Variants in OPHN1 observed in about 807,000 individuals in gnomAD.
OPHN1 encodes the protein oligophrenin-1.
OPHN1 carries 11 observed loss-of-function variants against 60.7 expected under a neutral mutation model. The ratio of observed to expected loss-of-function variants is 0.18; its 90% CI spans 0.11 to 0.30. OPHN1 has a LOEUF of 0.30. Ranked by LOEUF, OPHN1 falls within the 10% of genes least tolerant of loss-of-function variation. The probability of loss-of-function intolerance (pLI) is 1.00; values close to 1 mark genes in which losing one functional copy is unlikely to be tolerated. For missense variants in OPHN1, 449 were observed against 611.0 expected (o/e 0.73, Z 2.80); for synonymous variants, 226 against 222.6 (o/e 1.02, Z -0.14).
Position 68,197,120 on chromosome X carries a change from T to C in OPHN1, c.1104+66A>G, listed in dbSNP as rs2077515980. 42 of 779,441 alleles carry C rather than the reference T, an allele frequency of 5.4e-5. 1 individual carries two copies. In the South Asian group the frequency reaches 7.9e-4, roughly 15 times the overall value. The allele number at this position is 779,441 out of a possible 1,213,427, so 64.2% of individuals were successfully genotyped here. Reference sequence around the variant, plus strand: ...CATTTAATTGTCTGAGACCCACTGATACCACTAGAGGGCACTCATACACTG... The same window carrying C: ...CATTTAATTGTCTGAGACCCACTGACACCACTAGAGGGCACTCATACACTG... On this transcript the variant is annotated intron_variant, in intron 12 of 24. Transcript: ENST00000355520.
At chrX:68,242,349 C>T (rs771667004) in intron 5 of OPHN1, among the ~76,000 whole-genome samples, 50 of 110,564 alleles carry the variant, frequency 4.5e-4, no homozygotes, top group Non-Finnish European at 8.7e-4. Flanking sequence ...TGCCACTGCA[C>T]TCCAGCCTGG....
chrX:68,215,562 A>G (rs1376380559), intron 6 of OPHN1, among the ~76,000 whole-genome samples: 2 of 111,775 alleles, frequency 1.8e-5, no homozygotes, highest in Non-Finnish European at 3.8e-5. Context: ...CCATGTAGGT[A>G]TATGATATTC....
At chrX:68,217,922 G>GGAT (rs1417910832) in intron 6 of OPHN1, among the ~76,000 whole-genome samples, 5 of 104,608 alleles carry the variant, frequency 4.8e-5, no homozygotes, top group South Asian at 9.7e-4. Flanking sequence ...GAACAAAGCT[G>GGAT]GATGGAGAAT....
At chrX:68,101,884 A>C (rs1205772588) in intron 18 of OPHN1, among the ~76,000 whole-genome samples, 1 of 112,301 alleles carries the variant, frequency 8.9e-6, no homozygotes, top group Non-Finnish European at 1.9e-5. Context: ...TGTTCCAGCC[A>C]ACAAATAGTT....
chrX:68,168,120 C>A (rs981174860), intron 15 of OPHN1, among the ~76,000 whole-genome samples: 12 of 110,646 alleles, frequency 1.1e-4, no homozygotes, highest in Non-Finnish European at 1.7e-4. Flanking sequence ...CAAGGATACC[C>A]AGGAATTGAA....
rs2077579416 is a variant in OPHN1 at position 68,210,383 on chromosome X, C to A, written c.703-101G>T. ...AGTACAAAGTTTTCCCTGCTTACAGCATGTGCAACCACAAAGCAAAAAAAG... is the reference window on the plus strand; with the variant it reads ...AGTACAAAGTTTTCCCTGCTTACAGAATGTGCAACCACAAAGCAAAAAAAG... On this transcript the variant is annotated intron_variant, in intron 8 of 24. Coordinates refer to ENST00000355520, the MANE Select transcript of OPHN1 (RefSeq NM_002547.3). 3.6e-5 allele frequency: 30 copies of A among 823,315 alleles called. 1 individual carries two copies. In the South Asian group the frequency reaches 6.7e-4, roughly 18 times the overall value. The allele number at this position is 823,315 out of a possible 1,213,427, so 67.9% of individuals were successfully genotyped here.
rs148564025 is a variant in OPHN1 at position 68,214,039 on chromosome X, T to C, written c.487-67A>G. 7.1e-4 allele frequency: 452 copies of C among 632,452 alleles called. 2 individuals carry two copies. The African/African-American group carries it at 9.2e-3, about 13-fold the overall frequency. The allele number at this position is 632,452 out of a possible 1,213,427, so 52.1% of individuals were successfully genotyped here. Reference sequence around the variant, plus strand: ...ATTCATGAAAGTCAGTACTTAAGGATTGAACAGAATGCTAGAGCTAGATGA... The same window carrying C: ...ATTCATGAAAGTCAGTACTTAAGGACTGAACAGAATGCTAGAGCTAGATGA... On this transcript the variant is annotated intron_variant, in intron 6 of 24. Coordinates refer to ENST00000355520, the MANE Select transcript of OPHN1 (RefSeq NM_002547.3).
At chrX:68,294,212 T>C in intron 3 of OPHN1, among the ~76,000 whole-genome samples, 1 of 110,655 alleles carries the variant, frequency 9.0e-6, no homozygotes, top group African/African-American at 3.3e-5. Flanking sequence ...GGTTCACGCC[T>C]GTAATCCCAG....
chrX:68,070,948 T>C, intron 20 of OPHN1: 1 of 1,146,524 alleles, frequency 8.7e-7, no homozygotes, highest in South Asian at 1.8e-5. Flanking sequence ...CTTCACACCA[T>C]TCTTCTCAGC....
At chrX:68,208,453 T>C (rs1415107699) in intron 9 of OPHN1, among the ~76,000 whole-genome samples, 5 of 111,968 alleles carry the variant, frequency 4.5e-5, no homozygotes, top group Admixed American at 2.9e-4. Context: ...CAAATATCAC[T>C]TTCTTTGTGA....
intron 2 of OPHN1, among the ~76,000 whole-genome samples, chrX:68,377,400 C>CT (rs1197999479): frequency 9.3e-5 from 10 of 107,162 alleles, no homozygotes; most frequent in Non-Finnish European, 1.2e-4. Flanking sequence ...CCAGCCTTCT[C>CT]TTTTTTTTTA....
intron 15 of OPHN1, among the ~76,000 whole-genome samples, chrX:68,173,469 C>A (rs1051068960): frequency 9.0e-6 from 1 of 111,334 alleles, no homozygotes; most frequent in African/African-American, 3.3e-5. Context: ...CCACAAGCAT[C>A]TGCCAGTATA....
intron 15 of OPHN1, among the ~76,000 whole-genome samples, chrX:68,165,866 A>T (rs983168375): frequency 2.7e-5 from 3 of 112,618 alleles, no homozygotes; most frequent in Non-Finnish European, 5.6e-5. Flanking sequence ...ATAAGGAAAG[A>T]CATATAAATC....
At chrX:68,348,270 A>T (rs2147699854) in intron 2 of OPHN1, among the ~76,000 whole-genome samples, 1 of 111,922 alleles carries the variant, frequency 8.9e-6, no homozygotes, top group East Asian at 2.8e-4. Flanking sequence ...GATGAAAAAC[A>T]AGGTTAGTGA....
chrX:68,315,621 A>G (rs1209247025), intron 2 of OPHN1, among the ~76,000 whole-genome samples: 1 of 111,823 alleles, frequency 8.9e-6, no homozygotes, highest in African/African-American at 3.2e-5. Flanking sequence ...AAGAAGTAAA[A>G]TTATCTCTAT....
At chrX:68,416,061 TATATATAG>T (rs1316383072) in intron 2 of OPHN1, among the ~76,000 whole-genome samples, 28 of 6,308 alleles carry the variant, frequency 4.4e-3, no homozygotes, top group South Asian at 0.019. Context: ...TATATATATA[TATATATAG>T]AGAGAGAGAG....
At chrX:68,379,462 C>T (rs1340946497) in intron 2 of OPHN1, among the ~76,000 whole-genome samples, 1 of 105,167 alleles carries the variant, frequency 9.5e-6, no homozygotes, top group African/African-American at 3.5e-5. Flanking sequence ...ACTTCCAACA[C>T]TATGTTGAAT....
intron 2 of OPHN1, among the ~76,000 whole-genome samples, chrX:68,365,700 T>C (rs888687958): frequency 9.0e-6 from 1 of 110,691 alleles, no homozygotes; most frequent in Non-Finnish European, 1.9e-5. Context: ...CCCACTTCTC[T>C]CAAAGGAGTA....
intron 19 of OPHN1, among the ~76,000 whole-genome samples, chrX:68,079,951 G>T (rs2147379791): frequency 9.0e-6 from 1 of 111,105 alleles, no homozygotes; most frequent in Non-Finnish European, 1.9e-5. Context: ...CACTACCACT[G>T]ACTTGGTTGA....
Sources: allele counts gnomAD v4.1 joint callset (sites outside exome capture counted in the v4.1 genomes callset), GRCh38; gene constraint gnomAD v4.1.1; transcripts MANE v1.5; gene names NCBI Gene and HGNC (gene_info 2026-07-23, HGNC 2026-07-21).